Variants in CETP observed in about 807,000 individuals in gnomAD.
CETP encodes BPI fold containing family F.
Under a neutral mutation model 66.5 loss-of-function variants are expected in CETP, and 56 were observed. That is an observed-to-expected ratio of 0.84 (90% CI 0.68 to 1.05). The LOEUF (loss-of-function observed/expected upper bound fraction) is 1.05. Among genes scored for constraint, CETP ranks in the 50% least tolerant of loss-of-function variants. CETP has a pLI of 0.00. For missense variants in CETP, 612 were observed against 609.6 expected (o/e 1.00, Z -0.04); for synonymous variants, 251 against 245.7 (o/e 1.02, Z -0.20).
At chr16:56,970,614 GCA>G (rs1473444727) in intron 5 of CETP, among the ~76,000 whole-genome samples, 1 of 152,192 alleles carries the variant, frequency 6.6e-6, no homozygotes, top group African/African-American at 2.4e-5. Flanking sequence ...TAACCCCATT[GCA>G]CAGAGGAAGA....
intron 13 of CETP, among the ~76,000 whole-genome samples, 160 bp from the exon 14 acceptor site, chr16:56,982,005 T>C (rs1654334235): frequency 6.6e-6 from 1 of 152,130 alleles, no homozygotes; most frequent in African/African-American, 2.4e-5. Flanking sequence ...GAAAGACCAC[T>C]CAGGAAGGGC....
At position 56,969,420 on chromosome 16, in the gene CETP, C is replaced by A. The variant is rs2056091646; in HGVS notation, c.268C>A (p.Gln90Lys). Residue 90 changes from glutamine (Q) to lysine (K), a missense_variant, in exon 3 of 16, where the codon CAG becomes AAG. Gln to Lys is a moderately conservative substitution (Grantham distance 53, BLOSUM62 1). Transcript: ENST00000200676. ...QISHLSIASSQVELVEAKSID... is the reference protein window; with the variant it reads ...QISHLSIASSKVELVEAKSID... ...CAGCCACTTGTCCATCGCCAGCAGC[C>A]AGGTGGAGCTGGTGGAAGCCAAGTC... 1.2e-6 allele frequency: 2 copies of A among 1,614,164 alleles called. No individual in the cohort carries two copies. The highest frequency in any genetic ancestry group is 2.7e-5 in the African/African-American group (2 of 75,042).
Position 56,963,129 on chromosome 16 carries a change from G to C in CETP, c.233+5G>C. ...AGTCAAGTATGGGTTGCACAAGTGAGTCGGGCCTCGGGTGTGACCAGGCTG... is the reference window on the plus strand; with the variant it reads ...AGTCAAGTATGGGTTGCACAAGTGACTCGGGCCTCGGGTGTGACCAGGCTG... On this transcript the variant is annotated splice_donor_5th_base_variant and intron_variant, in intron 2 of 15. Transcript: ENST00000200676. 1 of 1,612,218 alleles carries C rather than the reference G, an allele frequency of 6.2e-7. No homozygotes were observed. The highest frequency in any genetic ancestry group is 1.1e-5 in the South Asian group (1 of 91,046).
rs1252741304 is a variant in CETP at position 56,969,432 on chromosome 16, G to C, written c.280G>C (p.Val94Leu). ...CATCGCCAGCAGCCAGGTGGAGCTG[G>C]TGGAAGCCAAGTCCATTGATGTCTC... ...LSIASSQVELVEAKSIDVSIQ... is the reference protein window; with the variant it reads ...LSIASSQVELLEAKSIDVSIQ... The change falls in exon 3 of 16, where the codon GTG (valine) becomes CTG (leucine). Residue 94 changes from valine (V) to leucine (L), a missense_variant. By Grantham distance (32) the Val-to-Leu change is conservative (BLOSUM62 1). Transcript: ENST00000200676. The C allele has an allele frequency of 1.2e-6, 2 of 1,614,048 alleles. No homozygotes were observed. The highest frequency in any genetic ancestry group is 1.3e-5 in the African/African-American group (1 of 74,904).
chr16:56,983,211 T>G, intron 14 of CETP, 115 bp from the exon 15 acceptor site: 2 of 820,182 alleles, frequency 2.4e-6, no homozygotes, highest in East Asian at 5.0e-5. Flanking sequence ...AAACGCATGT[T>G]TACAGAATAT....
In CETP at chr16:56,979,645, G is replaced by C. The variant is rs1418810230; in HGVS notation, c.1146+1390G>C. 2.0e-5 allele frequency among the ~76,000 whole-genome samples: 3 copies of C among 152,000 alleles called. No homozygotes were observed. In the South Asian group the frequency reaches 6.2e-4, roughly 32 times the overall value. ...CGTGCCTCAGCCTCCCCAGTAGCTA[G>C]CTGGCACTACAGGCGCGTGCCACCA... On this transcript the variant is annotated intron_variant, in intron 11 of 15. Transcript: ENST00000200676.
At position 56,963,095 on chromosome 16, in the gene CETP, C is replaced by G; in HGVS notation, c.204C>G (p.Leu68=). The change falls in exon 2 of 16, where the codon CTC becomes CTG. Residue 68 remains leucine, a synonymous_variant. Coordinates refer to ENST00000200676, the MANE Select transcript of CETP (RefSeq NM_000078.3). The part of the protein sequence containing the change: ...PDITGEKAMM[L]LGQVKYGLHN... Reference sequence around the variant, plus strand: ...TCACGGGCGAGAAGGCCATGATGCTCCTTGGCCAAGTCAAGTATGGGTTGC... The same window carrying G: ...TCACGGGCGAGAAGGCCATGATGCTGCTTGGCCAAGTCAAGTATGGGTTGC... 1 of 1,614,110 alleles carries G rather than the reference C, an allele frequency of 6.2e-7. No individual in the cohort carries two copies. Among genetic ancestry groups the G allele is most frequent in the Non-Finnish European group, 8.5e-7 (1 of 1,179,978 alleles).
chr16:56,968,527 T>C (rs2056084756), intron 2 of CETP, among the ~76,000 whole-genome samples: 3 of 152,186 alleles, frequency 2.0e-5, no homozygotes, highest in Admixed American at 6.5e-5. Flanking sequence ...TGGTGGTGTA[T>C]TGATACTCTT....
chr16:56,980,960 C>T (rs1430046386), intron 11 of CETP, among the ~76,000 whole-genome samples, 198 bp from the exon 12 acceptor site: 6 of 152,134 alleles, frequency 3.9e-5, no homozygotes, highest in African/African-American at 1.4e-4. Flanking sequence ...AAAGTGACTT[C>T]TCAGGTCCTA....
At chr16:56,978,534 G>A (rs770238200) in intron 11 of CETP, among the ~76,000 whole-genome samples, 2 of 152,038 alleles carry the variant, frequency 1.3e-5, no homozygotes, top group Non-Finnish European at 2.9e-5. Context: ...AGGCTGGAGT[G>A]CAGCCTCACA....
intron 6 of CETP, 109 bp from the exon 7 acceptor site, chr16:56,971,212 G>A: frequency 6.6e-7 from 1 of 1,506,090 alleles, no homozygotes. Context: ...TCTCCATGTG[G>A]CCAGTCCCCT....
intron 10 of CETP, among the ~76,000 whole-genome samples, chr16:56,976,342 C>T (rs1245697409): frequency 6.6e-6 from 1 of 152,190 alleles, no homozygotes; most frequent in Non-Finnish European, 1.5e-5. Context: ...TCTCCCATGG[C>T]CTCCAGGGCC....
chr16:56,969,114 A>T (rs1316061950), intron 2 of CETP, among the ~76,000 whole-genome samples: 1 of 151,586 alleles, frequency 6.6e-6, no homozygotes, highest in African/African-American at 2.4e-5. Context: ...GTACCCTGTG[A>T]TTGTATTGGG....
At chr16:56,967,967 AAG>A (rs533428690) in intron 2 of CETP, among the ~76,000 whole-genome samples, 247 of 51,164 alleles carry the variant, frequency 4.8e-3, no homozygotes, top group African/African-American at 0.016. Flanking sequence ...TCAAACAAGA[AAG>A]AACAAACTAA....
rs1211939506 is a variant in CETP at position 56,982,232 on chromosome 16, T to C, written c.1316T>C (p.Met439Thr). 3 of 1,614,090 alleles carry C rather than the reference T, an allele frequency of 1.9e-6. No homozygotes were observed. Among genetic ancestry groups the C allele is most frequent in the African/African-American group, 1.3e-5 (1 of 75,018 alleles). Reference protein sequence around the residue: ...MITAVGIPEVMSRLEVVFTAL... With the variant: ...MITAVGIPEVTSRLEVVFTAL... Reference sequence around the variant, plus strand: ...ACCGCTGTGGGCATCCCTGAGGTCATGTCTCGTAAGTGTGGGCTGGAGGGG... The same window carrying C: ...ACCGCTGTGGGCATCCCTGAGGTCACGTCTCGTAAGTGTGGGCTGGAGGGG... The change falls in exon 14 of 16, where the codon ATG becomes ACG. Residue 439 changes from methionine (M) to threonine (T), a missense_variant. Met to Thr is a moderately conservative substitution (Grantham distance 81). Coordinates refer to ENST00000200676, the MANE Select transcript of CETP (RefSeq NM_000078.3).
At chr16:56,971,699 A>T (rs914914845) in intron 7 of CETP, among the ~76,000 whole-genome samples, 1 of 152,080 alleles carries the variant, frequency 6.6e-6, no homozygotes, top group Non-Finnish European at 1.5e-5. Flanking sequence ...ATGGCTGGGC[A>T]CTCATCCATG....
At chr16:56,971,860 C>T (rs2056112820) in intron 7 of CETP, 132 bp from the exon 8 acceptor site, 1 of 803,762 alleles carries the variant, frequency 1.2e-6, no homozygotes, top group Non-Finnish European at 2.2e-6. Context: ...CCCCTCCCCG[C>T]ACACCCAGGT....
intron 1 of CETP, chr16:56,962,350 T>C (rs1355475767): frequency 1.4e-6 from 1 of 702,070 alleles, no homozygotes; most frequent in African/African-American, 1.7e-5. Context: ...TTTGTGTTTG[T>C]CTGAGACCCA....
In CETP at chr16:56,969,447, A is replaced by G. The variant is rs1311445019; in HGVS notation, c.295A>G (p.Ile99Val). ...SQVELVEAKS[I>V]DVSIQNVSVV... ...GGTGGAGCTGGTGGAAGCCAAGTCC[A>G]TTGATGTCTCCATTCAGAACGTGTC... is the stretch of plus-strand genomic sequence containing the variant. The change falls in exon 3 of 16, where the codon ATT (isoleucine) becomes GTT (valine). Residue 99 changes from isoleucine to valine, a missense_variant. Physicochemically the swap from Ile to Val is conservative, Grantham distance 29. Transcript: ENST00000200676. The G allele has an allele frequency of 6.2e-7, 1 of 1,614,152 alleles. No homozygotes were observed. The highest frequency in any genetic ancestry group is 8.5e-7 in the Non-Finnish European group (1 of 1,180,016).
Sources: allele counts gnomAD v4.1 joint callset (sites outside exome capture counted in the v4.1 genomes callset), GRCh38; gene constraint gnomAD v4.1.1; transcripts MANE v1.5; gene names NCBI Gene and HGNC (gene_info 2026-07-23, HGNC 2026-07-21).